The following C3orf33 variants were observed in gnomAD, a reference collection of about 807,000 sequenced individuals.
The protein encoded by C3orf33 is mitochondrial inner membrane subdomain organizer 1.
C3orf33 carries 23 observed loss-of-function variants against 28.7 expected under a neutral mutation model. The ratio of observed to expected loss-of-function variants is 0.80; its 90% CI spans 0.58 to 1.13. The LOEUF (loss-of-function observed/expected upper bound fraction) is 1.13, where lower values mean the gene tolerates loss of function less well. Ranked by LOEUF, C3orf33 falls within the 50% of genes most tolerant of loss-of-function variation. The pLI, the probability that C3orf33 is intolerant of heterozygous loss-of-function variation, is 0.00. For missense variants in C3orf33, 327 were observed against 353.4 expected, an observed-to-expected ratio of 0.93 and a Z score of 0.60; for synonymous variants, 119 against 120.5, an observed-to-expected ratio of 0.99 and a Z score of 0.08.
chr3:155,789,891 G>A (rs1423045282), intron 2 of C3orf33, among the ~76,000 whole-genome samples: 2 of 152,100 alleles, frequency 1.3e-5, no homozygotes, highest in African/African-American at 2.4e-5. Context: ...AAATGGTGCT[G>A]GGAGGCTGGG....
intron 4 of C3orf33, among the ~76,000 whole-genome samples, chr3:155,766,786 TA>T (rs1288349333): frequency 6.6e-6 from 1 of 151,798 alleles, no homozygotes; most frequent in Non-Finnish European, 1.5e-5. Context: ...TCATCTCTAC[TA>T]AAAATACAAA....
At chr3:155,772,811 T>C (rs551142386) in intron 3 of C3orf33, among the ~76,000 whole-genome samples, 15 of 149,094 alleles carry the variant, frequency 1.0e-4, no homozygotes, top group South Asian at 4.2e-4. Context: ...TGTGTGTGTG[T>C]GCCTCCTCAT....
intron 2 of C3orf33, among the ~76,000 whole-genome samples, chr3:155,788,337 TAAG>T (rs1427376677): frequency 6.6e-6 from 1 of 151,932 alleles, no homozygotes; most frequent in Non-Finnish European, 1.5e-5. Flanking sequence ...TGATAACACT[TAAG>T]AAACTAAGAA....
intron 2 of C3orf33, among the ~76,000 whole-genome samples, chr3:155,785,085 T>C (rs1448265018): frequency 6.6e-6 from 1 of 150,384 alleles, no homozygotes; most frequent in Non-Finnish European, 1.5e-5. Flanking sequence ...TAAACCAATA[T>C]CAGAAAAACT....
intron 2 of C3orf33, among the ~76,000 whole-genome samples, chr3:155,792,974 G>A (rs1201694397): frequency 6.6e-6 from 1 of 152,022 alleles, no homozygotes; most frequent in Admixed American, 6.6e-5. Context: ...TCAAGTACAA[G>A]AAGGTTATGG....
At chr3:155,769,713 G>C (rs1750524056) in intron 3 of C3orf33, among the ~76,000 whole-genome samples, 1 of 152,158 alleles carries the variant, frequency 6.6e-6, no homozygotes, top group African/African-American at 2.4e-5. Context: ...CTTCCAGTAA[G>C]ACATGCTGAT....
At chr3:155,774,760 G>A (rs1225772348) in intron 3 of C3orf33, among the ~76,000 whole-genome samples, 1 of 148,152 alleles carries the variant, frequency 6.7e-6, no homozygotes, top group East Asian at 2.0e-4. Context: ...GTGGCCCAGG[G>A]AAGCCAAAAG....
rs189373365 is a variant in C3orf33 at position 155,785,440 on chromosome 3, T to C, written c.175-9592A>G. ...AATGTACATGGAACAGTCTCCAAGA[T>C]AGACCATTTGTTAGGCCACAAATTA... On this transcript the variant is annotated intron_variant, in intron 2 of 4. Transcript: ENST00000340171. 9.2e-5 allele frequency among the ~76,000 whole-genome samples: 14 copies of C among 152,344 alleles called. No individual in the cohort carries two copies. The East Asian group carries it at 1.5e-3, about 17-fold the overall frequency.
intron 3 of C3orf33, among the ~76,000 whole-genome samples, chr3:155,772,197 C>A (rs896277774): frequency 6.6e-6 from 1 of 151,738 alleles, no homozygotes; most frequent in African/African-American, 2.4e-5. Context: ...AGAGCAAGAC[C>A]CAGTCTCAAA....
intron 3 of C3orf33, among the ~76,000 whole-genome samples, chr3:155,768,913 C>A (rs1173005737): frequency 6.6e-6 from 1 of 152,168 alleles, no homozygotes; most frequent in East Asian, 1.9e-4. Flanking sequence ...CAGTGCCTCA[C>A]TCCTGTAATC....
intron 1 of C3orf33, among the ~76,000 whole-genome samples, chr3:155,805,904 G>C (rs1751795694): frequency 6.6e-6 from 1 of 152,156 alleles, no homozygotes. Flanking sequence ...GCCCAGCAAG[G>C]ATCCAGAACA....
intron 3 of C3orf33, among the ~76,000 whole-genome samples, chr3:155,771,437 A>G (rs1417329052): frequency 2.6e-5 from 4 of 152,012 alleles, no homozygotes; most frequent in East Asian, 1.9e-4. Context: ...CTGCATCACC[A>G]CACTCAGCTA....
At chr3:155,771,157 G>A (rs1246258192) in intron 3 of C3orf33, among the ~76,000 whole-genome samples, 1 of 151,970 alleles carries the variant, frequency 6.6e-6, no homozygotes, top group East Asian at 1.9e-4. Flanking sequence ...CCAGGCTGGA[G>A]TGCAGTGGCA....
Position 155,763,855 on chromosome 3 carries a change from G to C in C3orf33, c.547C>G (p.Leu183Val). The change falls in exon 5 of 5, where the codon CTT becomes GTT. Residue 183 changes from leucine to valine, a missense_variant. Coordinates refer to ENST00000340171, the MANE Select transcript of C3orf33 (RefSeq NM_001308229.2). ...ILRRGLGKTV[L>V]VKGLKYDSKI... is the part of the protein sequence containing the mutation. ...GAATCATATTTAAGCCCTTTAACAA[G>C]AACAGTTTTGCCAAGGCCTCTTCTC... 6.5e-7 allele frequency: 1 copy of C among 1,537,112 alleles called. No individual in the cohort carries two copies. The highest frequency in any genetic ancestry group is 8.7e-7 in the Non-Finnish European group (1 of 1,148,786).
At chr3:155,782,784 T>C (rs1231119490) in intron 2 of C3orf33, among the ~76,000 whole-genome samples, 1 of 152,194 alleles carries the variant, frequency 6.6e-6, no homozygotes, top group Non-Finnish European at 1.5e-5. Flanking sequence ...CACTAGACAG[T>C]AACTTGAAGC....
At chr3:155,765,544 T>C (rs1286602024) in intron 4 of C3orf33, among the ~76,000 whole-genome samples, 1 of 152,140 alleles carries the variant, frequency 6.6e-6, no homozygotes, top group African/African-American at 2.4e-5. Context: ...TTTTGTTTTG[T>C]ATTGTTTTGT....
intron 2 of C3orf33, among the ~76,000 whole-genome samples, chr3:155,796,174 A>T (rs571918413): frequency 8.1e-4 from 124 of 152,212 alleles, no homozygotes; most frequent in African/African-American, 2.8e-3. Context: ...AAATAAATGA[A>T]ATTGCAGTGA....
chr3:155,786,602 G>A (rs147296122), intron 2 of C3orf33, among the ~76,000 whole-genome samples: 8,130 of 152,172 alleles, frequency 0.053, 270 homozygotes, highest in South Asian at 0.068. Context: ...CAAGGCAGGC[G>A]GATCATCTGA....
chr3:155,774,666 CTTTTTTTTTTT>C (rs62815064), intron 3 of C3orf33, among the ~76,000 whole-genome samples: 1 of 95,250 alleles, frequency 1.0e-5, no homozygotes, highest in African/African-American at 4.0e-5. Flanking sequence ...TATTGTTTTG[CTTTTTTTTTTT>C]TTTTTTTTTT....
Sources: gnomAD v4.1 joint callset for allele counts (sites outside exome capture counted in the v4.1 genomes callset) on GRCh38, gnomAD v4.1.1 for gene constraint, MANE v1.5 for transcripts, NCBI Gene and HGNC (gene_info 2026-07-23, HGNC 2026-07-21) for gene names.